The following MTA3 variants were observed in gnomAD, a reference collection of about 807,000 sequenced individuals.
The protein encoded by MTA3 is metastasis associated 1 family member 3.
In MTA3, 34 loss-of-function variants were observed where a neutral mutation model predicts 83.5. The observed-to-expected ratio is 0.41, with a 90% CI of 0.31 to 0.54. The LOEUF (loss-of-function observed/expected upper bound fraction) is 0.54, where lower values mean the gene tolerates loss of function less well. MTA3 is among the 20% of genes least tolerant of loss of function. The pLI, the probability that MTA3 is intolerant of heterozygous loss-of-function variation, is 0.33. For missense variants in MTA3, 761 were observed against 726.4 expected, an observed-to-expected ratio of 1.05 and a Z score of -0.55; for synonymous variants, 303 against 252.7, an observed-to-expected ratio of 1.20 and a Z score of -1.89.
intron 2 of MTA3, among the ~76,000 whole-genome samples, chr2:42,574,745 A>G (rs181970292): frequency 1.4e-4 from 21 of 152,294 alleles, no homozygotes; most frequent in African/African-American, 4.8e-4. Context: ...AATTTTTTGT[A>G]GACGTGGTCT....
intron 16 of MTA3, among the ~76,000 whole-genome samples, chr2:42,739,445 TA>T (rs60704945): frequency 0.014 from 1,888 of 138,360 alleles, 14 homozygotes; most frequent in African/African-American, 0.03. Flanking sequence ...ACTTTATTGC[TA>T]AAAAAAAAAA....
intron 2 of MTA3, among the ~76,000 whole-genome samples, chr2:42,520,444 C>T (rs1675372557): frequency 6.6e-6 from 1 of 152,128 alleles, no homozygotes; most frequent in Non-Finnish European, 1.5e-5. Flanking sequence ...AGATGCTGCC[C>T]CCATAAGCAT....
In MTA3 at chr2:42,682,560, A is replaced by G. The variant is rs1262463932; in HGVS notation, c.862A>G (p.Lys288Glu). The G allele has an allele frequency of 1.2e-6, 2 of 1,612,142 alleles. No individual in the cohort carries two copies. Among genetic ancestry groups the G allele is most frequent in the African/African-American group, 1.3e-5 (1 of 74,932 alleles). The change falls in exon 9 of 17, where the codon AAA becomes GAA. Residue 288 changes from lysine (K) to glutamate (E), a missense_variant. Physicochemically the swap from Lys to Glu is moderately conservative, Grantham distance 56. Coordinates refer to ENST00000405094, the MANE Select transcript of MTA3 (RefSeq NM_001330442.2). ...TGAAGAGGCACTGGAAAAATATGGC[A>G]AAGACTTCAATGACATACGGCAAGA... ...LFEEALEKYG[K>E]DFNDIRQDFL...
chr2:42,708,311 T>G (rs1306451519), intron 13 of MTA3, among the ~76,000 whole-genome samples: 1 of 152,252 alleles, frequency 6.6e-6, no homozygotes. Context: ...AGCTTACAAA[T>G]TAAATGTTTA....
chr2:42,696,272 T>C (rs1407276302), intron 10 of MTA3, among the ~76,000 whole-genome samples: 2 of 152,222 alleles, frequency 1.3e-5, no homozygotes, highest in Admixed American at 6.5e-5. Context: ...TGTGTGGCTA[T>C]ACCCCCGAAA....
In MTA3 at chr2:42,755,000, G is replaced by A; in HGVS notation, c.*1601G>A. 1 of 985,684 alleles carries A rather than the reference G, an allele frequency of 1.0e-6. No individual in the cohort carries two copies. The highest frequency in any genetic ancestry group is 1.2e-6 in the Non-Finnish European group (1 of 830,160). 61.1% of individuals were successfully genotyped at this position (985,684 alleles called of 1,614,324 possible). A position where few individuals can be genotyped will look rare whatever the true frequency, so the allele number is the denominator to read the frequency against. On this transcript the variant is annotated 3_prime_UTR_variant, in exon 17 of 17. Transcript: ENST00000405094. ...CACCACCCACTCTTGGAGCTGTGCT[G>A]GGTCTTGGCTTGGGGCGCTGAGGGT...
At chr2:42,638,842 G>C (rs747539214) in intron 4 of MTA3, among the ~76,000 whole-genome samples, 15 of 150,818 alleles carry the variant, frequency 9.9e-5, no homozygotes, top group Admixed American at 3.3e-4. Context: ...CTCAAAGAAA[G>C]CTTTCTAACC....
intron 4 of MTA3, among the ~76,000 whole-genome samples, chr2:42,621,537 A>C (rs1382293576): frequency 6.6e-6 from 1 of 152,242 alleles, no homozygotes; most frequent in African/African-American, 2.4e-5. Flanking sequence ...TTCTTTCTAC[A>C]CAGACACAGC....
At chr2:42,525,603 T>TTTCCTTCCTTCC (rs59291067) in intron 2 of MTA3, among the ~76,000 whole-genome samples, 8 of 95,422 alleles carry the variant, frequency 8.4e-5, no homozygotes, top group African/African-American at 2.7e-4. Flanking sequence ...CCTTCCTTCC[T>TTTCCTTCCTTCC]TTCCTTCCTT....
chr2:42,631,939 C>T (rs933736800), intron 4 of MTA3, among the ~76,000 whole-genome samples: 1 of 152,172 alleles, frequency 6.6e-6, no homozygotes, highest in East Asian at 1.9e-4. Flanking sequence ...ACCCACCCAC[C>T]TTGGCCTCCC....
intron 9 of MTA3, among the ~76,000 whole-genome samples, chr2:42,690,138 G>C (rs911431062): frequency 2.0e-5 from 3 of 152,078 alleles, no homozygotes; most frequent in Non-Finnish European, 4.4e-5. Flanking sequence ...CTGCACTCCA[G>C]CCTGGGCAGC....
At chr2:42,746,146 G>C (rs527926024) in intron 16 of MTA3, among the ~76,000 whole-genome samples, 51 of 152,134 alleles carry the variant, frequency 3.4e-4, no homozygotes, top group African/African-American at 1.2e-3. Context: ...AATACTCCTT[G>C]TCTTGAAATC....
chr2:42,519,528 C>G (rs2103689649), intron 2 of MTA3, among the ~76,000 whole-genome samples: 1 of 151,872 alleles, frequency 6.6e-6, no homozygotes, highest in Middle Eastern at 3.4e-3. Context: ...ATCCCTTGAA[C>G]CTGGGAGGCA....
At chr2:42,612,876 A>C (rs1400379449) in intron 4 of MTA3, among the ~76,000 whole-genome samples, 1 of 152,158 alleles carries the variant, frequency 6.6e-6, no homozygotes, top group Non-Finnish European at 1.5e-5. Context: ...ATAAATAAAT[A>C]AATAAATAAT....
chr2:42,741,932 G>C (rs573751085), intron 16 of MTA3, among the ~76,000 whole-genome samples: 1 of 152,182 alleles, frequency 6.6e-6, no homozygotes, highest in Non-Finnish European at 1.5e-5. Flanking sequence ...TTAATGCAGA[G>C]TTGCCAACAA....
chr2:42,499,497 C>CA lies in MTA3; in HGVS notation c.-141+4250dup, dbSNP rs1558398473. Among the ~76,000 whole-genome samples, 7 of 148,582 alleles carry CA rather than the reference C, an allele frequency of 4.7e-5. No individual in the cohort carries two copies. In the Admixed American group the frequency reaches 4.7e-4, roughly 10 times the overall value. On this transcript the variant is annotated intron_variant, in intron 2 of 17. Coordinates refer to the MTA3 transcript ENST00000405592. ...GATCTTATAGGTGTTCTTATCATTT[C>CA]AAAAAAAGGAATAGTGGGACATGAT...
chr2:42,704,499 C>T (rs2104495932), intron 12 of MTA3, among the ~76,000 whole-genome samples, 181 bp downstream of exon 12: 1 of 152,312 alleles, frequency 6.6e-6, no homozygotes, highest in South Asian at 2.1e-4. Flanking sequence ...TTTATTGAAT[C>T]CTTATTACGT....
chr2:42,520,502 T>C (rs1434061459), intron 2 of MTA3, among the ~76,000 whole-genome samples: 1 of 152,162 alleles, frequency 6.6e-6, no homozygotes. Flanking sequence ...ATTGCTTCCT[T>C]CGTGACCCTT....
At chr2:42,570,712 A>G (rs1234209453) in intron 2 of MTA3, among the ~76,000 whole-genome samples, 1 of 151,896 alleles carries the variant, frequency 6.6e-6, no homozygotes, top group Non-Finnish European at 1.5e-5. Flanking sequence ...TTTAATTAAT[A>G]TAAAAAGTAA....
Sources: gnomAD v4.1 joint callset for allele counts (sites outside exome capture counted in the v4.1 genomes callset) on GRCh38, gnomAD v4.1.1 for gene constraint, MANE v1.5 for transcripts, NCBI Gene and HGNC (gene_info 2026-07-23, HGNC 2026-07-21) for gene names.